The following ANOS1 variants were observed in gnomAD, a reference collection of about 807,000 sequenced individuals.
The protein encoded by ANOS1 is anosmin-1.
In ANOS1, 6 loss-of-function variants were observed where a neutral mutation model predicts 59.0. That is an observed-to-expected ratio of 0.10 (90% CI 0.06 to 0.20). The LOEUF is 0.20. ANOS1 is among the 10% of genes least tolerant of loss of function. The pLI is 1.00. For synonymous variants in ANOS1, 217 were observed against 223.4 expected (o/e 0.97, Z 0.25); for missense variants, 433 against 542.3 (o/e 0.80, Z 2.00).
At chrX:8,634,022 G>A (rs1428264284) in intron 2 of ANOS1, among the ~76,000 whole-genome samples, 1 of 111,655 alleles carries the variant, frequency 9.0e-6, no homozygotes, top group Admixed American at 9.5e-5. Flanking sequence ...TTAGATGTTG[G>A]CGTTACATCA....
At chrX:8,616,104 A>G (rs1426104159) in intron 3 of ANOS1, among the ~76,000 whole-genome samples, 2 of 110,147 alleles carry the variant, frequency 1.8e-5, no homozygotes, top group Non-Finnish European at 1.9e-5. Context: ...TGTTTCCTCC[A>G]ACCATTTATC....
chrX:8,558,266 C>T (rs1025398966), intron 8 of ANOS1, among the ~76,000 whole-genome samples: 1 of 111,001 alleles, frequency 9.0e-6, no homozygotes, highest in African/African-American at 3.3e-5. Context: ...CACATGTATA[C>T]CTATGTTAAC....
At chrX:8,574,126 C>G (rs376547041) in intron 6 of ANOS1, among the ~76,000 whole-genome samples, 9 of 110,488 alleles carry the variant, frequency 8.1e-5, no homozygotes, top group South Asian at 3.9e-4. Context: ...ACCTCCACCC[C>G]TCAGCCCAGC....
intron 2 of ANOS1, among the ~76,000 whole-genome samples, chrX:8,696,763 T>C (rs1181865676): frequency 8.9e-6 from 1 of 112,406 alleles, no homozygotes; most frequent in Non-Finnish European, 1.9e-5. Context: ...ATCCCTGGCC[T>C]TGACCCACTA....
At chrX:8,630,112 T>C (rs4830600) in intron 2 of ANOS1, among the ~76,000 whole-genome samples, 11,325 of 111,481 alleles carry the variant, frequency 0.1, 793 homozygotes, top group South Asian at 0.26. Context: ...TCCGCATCAG[T>C]GAATCATAAA....
intron 2 of ANOS1, among the ~76,000 whole-genome samples, chrX:8,687,737 T>C (rs1932545907): frequency 8.9e-6 from 1 of 111,809 alleles, no homozygotes; most frequent in Admixed American, 9.5e-5. Context: ...TGTCATTATT[T>C]ATGGGGCAAG....
intron 2 of ANOS1, among the ~76,000 whole-genome samples, chrX:8,624,828 C>A (rs2146847718): frequency 9.1e-6 from 1 of 110,089 alleles, no homozygotes; most frequent in Admixed American, 9.8e-5. Flanking sequence ...TACTCTGAGG[C>A]CAGGTGTGGT....
At position 8,692,492 on chromosome X, in the gene ANOS1, G is replaced by A. The variant is rs1932623166; in HGVS notation, c.255+7206C>T. On this transcript the variant is annotated intron_variant, in intron 2 of 13. Transcript: ENST00000262648. ...ACACTACTCAAAATACGGCACCTTGGCATATTAAAAAAACAGAAGCAGGAA... is the reference window on the plus strand; with the variant it reads ...ACACTACTCAAAATACGGCACCTTGACATATTAAAAAAACAGAAGCAGGAA... Among the ~76,000 whole-genome samples, 3 of 110,709 alleles carry A rather than the reference G, an allele frequency of 2.7e-5. No homozygotes were observed. In the South Asian group the frequency reaches 1.2e-3, roughly 43 times the overall value.
chrX:8,602,973 A>G (rs1335197280), intron 3 of ANOS1, among the ~76,000 whole-genome samples: 2 of 111,682 alleles, frequency 1.8e-5, no homozygotes, highest in African/African-American at 6.5e-5. Flanking sequence ...TCCTGACCTC[A>G]AGTGATCTGC....
intron 2 of ANOS1, among the ~76,000 whole-genome samples, chrX:8,643,526 G>A (rs1042854928): frequency 2.1e-4 from 23 of 111,537 alleles, no homozygotes; most frequent in Admixed American, 1.8e-3. Context: ...ATTTTGCAAC[G>A]TGACTCTGGC....
chrX:8,587,129 T>G (rs983977837), intron 5 of ANOS1, among the ~76,000 whole-genome samples: 2 of 102,066 alleles, frequency 2.0e-5, no homozygotes, highest in African/African-American at 3.5e-5. Flanking sequence ...TTTGTGTGTG[T>G]GTGTGGGGGG....
At chrX:8,646,657 C>G (rs924925285) in intron 2 of ANOS1, among the ~76,000 whole-genome samples, 4 of 110,430 alleles carry the variant, frequency 3.6e-5, no homozygotes, top group African/African-American at 9.9e-5. Flanking sequence ...TCTGGACCGG[C>G]GTGGTGGCTC....
intron 2 of ANOS1, among the ~76,000 whole-genome samples, chrX:8,645,810 C>T (rs140374019): frequency 1.8e-5 from 2 of 111,783 alleles, no homozygotes; most frequent in Non-Finnish European, 3.8e-5. Flanking sequence ...CGCCTGCCAC[C>T]GCGCCCAGCT....
chrX:8,711,213 C>T (rs913447546), intron 1 of ANOS1, among the ~76,000 whole-genome samples: 1 of 112,470 alleles, frequency 8.9e-6, no homozygotes, highest in African/African-American at 3.2e-5. Flanking sequence ...ATCAGAATAA[C>T]ATGTGAAAGC....
chrX:8,702,112 C>T (rs1932759804), intron 1 of ANOS1, among the ~76,000 whole-genome samples: 1 of 111,005 alleles, frequency 9.0e-6, no homozygotes, highest in Non-Finnish European at 1.9e-5. Flanking sequence ...ACGTCCACAT[C>T]TGGGCCCTCA....
chrX:8,646,777 A>G (rs1717857014), intron 2 of ANOS1, among the ~76,000 whole-genome samples: 1 of 108,671 alleles, frequency 9.2e-6, no homozygotes, highest in Non-Finnish European at 1.9e-5. Flanking sequence ...TACTAAAAAT[A>G]CAAAAATTAG....
At chrX:8,574,567 A>C (rs1388655673) in intron 6 of ANOS1, among the ~76,000 whole-genome samples, 1 of 111,649 alleles carries the variant, frequency 9.0e-6, no homozygotes, top group Non-Finnish European at 1.9e-5. Flanking sequence ...CAGGGAGAAG[A>C]ATGTGGAAAT....
intron 2 of ANOS1, among the ~76,000 whole-genome samples, chrX:8,662,724 A>G (rs1248264936): frequency 8.9e-6 from 1 of 112,652 alleles, no homozygotes; most frequent in Admixed American, 9.4e-5. Flanking sequence ...ACATAGAGGG[A>G]AAAAGATGTG....
chrX:8,547,349 C>T (rs1601948897), intron 9 of ANOS1, among the ~76,000 whole-genome samples: 1 of 111,867 alleles, frequency 8.9e-6, no homozygotes, highest in East Asian at 2.8e-4. Flanking sequence ...CTCCCAGCTG[C>T]ACCTCTTCAT....
Sources: gnomAD v4.1 joint callset for allele counts (sites outside exome capture counted in the v4.1 genomes callset) on GRCh38, gnomAD v4.1.1 for gene constraint, MANE v1.5 for transcripts, NCBI Gene and HGNC (gene_info 2026-07-23, HGNC 2026-07-21) for gene names.